Variants in SYNE2 observed in about 807,000 individuals in gnomAD.
The protein encoded by SYNE2 is spectrin repeat containing nuclear envelope protein 2.
A neutral mutation model predicts 856.3 loss-of-function variants in SYNE2; 431 were observed. That is an observed-to-expected ratio of 0.50 (90% confidence interval 0.47 to 0.55). The LOEUF is 0.55. Among genes scored for constraint, SYNE2 ranks in the 20% least tolerant of loss-of-function variants. The pLI is 0.00. For synonymous variants in SYNE2, 2,923 were observed against 2,872.3 expected (o/e 1.02, Z -0.56); for missense variants, 8,129 against 8,023.2 (o/e 1.01, Z -0.50).
intron 99 of SYNE2, among the ~76,000 whole-genome samples, chr14:64,198,581 T>A (rs1338840018): frequency 2.0e-5 from 3 of 152,186 alleles, no homozygotes; most frequent in South Asian, 4.1e-4. Context: ...ACCGGCTAAA[T>A]CCTGGCTGGA....
intron 7 of SYNE2, among the ~76,000 whole-genome samples, chr14:63,954,339 A>G (rs962095494): frequency 1.3e-5 from 2 of 152,182 alleles, no homozygotes; most frequent in Non-Finnish European, 2.9e-5. Flanking sequence ...CAGATTTGGT[A>G]ATGAAGGGCA....
At chr14:64,202,020 C>T (rs1270756538) in intron 99 of SYNE2, among the ~76,000 whole-genome samples, 2 of 152,226 alleles carry the variant, frequency 1.3e-5, no homozygotes, top group Admixed American at 1.3e-4. Flanking sequence ...ATCACGTCCC[C>T]TTGACAGCAT....
intron 113 of SYNE2, 22 bp downstream of exon 113, chr14:64,223,402 A>G (rs1476027353): frequency 6.2e-7 from 1 of 1,612,656 alleles, no homozygotes; most frequent in East Asian, 2.2e-5. Flanking sequence ...TGTAGCTTTT[A>G]ACTGTAAAGA....
intron 1 of SYNE2, among the ~76,000 whole-genome samples, chr14:63,875,396 C>T (rs757502489): frequency 1.7e-4 from 26 of 152,130 alleles, no homozygotes; most frequent in Non-Finnish European, 3.2e-4. Flanking sequence ...AGGTGATTCC[C>T]AAAACCCTTT....
chr14:64,162,007 C>T (rs553199980), intron 87 of SYNE2, 65 bp from the exon 88 acceptor site: 3 of 1,564,522 alleles, frequency 1.9e-6, no homozygotes, highest in Non-Finnish European at 2.6e-6. Flanking sequence ...AGAGTGTGTG[C>T]ATTGTACTTT....
At chr14:64,122,456 G>A in intron 70 of SYNE2, 29 bp downstream of exon 70, 2 of 1,614,042 alleles carry the variant, frequency 1.2e-6, no homozygotes, top group Non-Finnish European at 1.7e-6. Flanking sequence ...GGTGCAAATA[G>A]CCTGTTTATC....
chr14:64,155,072 G>A (rs1475788123), intron 85 of SYNE2, among the ~76,000 whole-genome samples: 1 of 152,096 alleles, frequency 6.6e-6, no homozygotes, highest in Non-Finnish European at 1.5e-5. Context: ...TTCCTCAAAT[G>A]GTTAAACATA....
chr14:63,770,928 T>A (rs1886876219), intron 1 of SYNE2, among the ~76,000 whole-genome samples: 1 of 152,104 alleles, frequency 6.6e-6, no homozygotes, highest in African/African-American at 2.4e-5. Context: ...TTGGTCTTCA[T>A]CTCCTGGCCT....
In SYNE2 at chr14:64,146,214, G is replaced by GGACTGTCAGGTGAGGAGGGGAACAT. The variant is rs2098185445; in HGVS notation, c.15639+15_15639+16insTGACTGTCAGGTGAGGAGGGGAACA. 2 of 1,608,488 alleles carry GGACTGTCAGGTGAGGAGGGGAACAT rather than the reference G, an allele frequency of 1.2e-6. No homozygotes were observed. The highest frequency in any genetic ancestry group is 2.2e-5 in the East Asian group (1 of 44,552). Reference sequence around the variant, plus strand: ...TGATCTCAGTGCAGAAGCTGCTCCTGGACTGTCAGGTGAGGAGGGGAACAG... The same window carrying GGACTGTCAGGTGAGGAGGGGAACAT: ...TGATCTCAGTGCAGAAGCTGCTCCTGGACTGTCAGGTGAGGAGGGGAACATGACTGTCAGGTGAGGAGGGGAACAG... On this transcript the variant is annotated frameshift_variant, in exon 84 of 116. Coordinates refer to ENST00000555002, the MANE Select transcript of SYNE2 (RefSeq NM_182914.3). LOFTEE classifies it high-confidence loss of function.
chr14:64,038,063 G>A (rs2097111782), intron 45 of SYNE2, among the ~76,000 whole-genome samples: 2 of 151,574 alleles, frequency 1.3e-5, no homozygotes, highest in South Asian at 4.2e-4. Flanking sequence ...TTGCCAGGCG[G>A]AGGGTCTCCT....
At chr14:63,847,581 C>G (rs942603976) in intron 1 of SYNE2, among the ~76,000 whole-genome samples, 10 of 149,560 alleles carry the variant, frequency 6.7e-5, no homozygotes, top group African/African-American at 4.9e-5. Flanking sequence ...AAAGTATGTT[C>G]TGTATTTTTT....
Position 64,170,396 on chromosome 14 carries a change from A to C in SYNE2, c.17169A>C (p.Leu5723=), listed in dbSNP as rs775814909. ...TCCTCACTGACACCAGCCACCTGCT[A>C]TCTGCAGTGAAGGGCCAGGAGCGCT... The part of the protein sequence containing the change: ...FRFLTDTSHL[L]SAVKGQERFS... The change falls in exon 94 of 116, where the codon CTA becomes CTC. Residue 5723 remains leucine, a synonymous_variant. Transcript: ENST00000555002. 6.2e-7 allele frequency: 1 copy of C among 1,614,208 alleles called. No individual in the cohort carries two copies. The highest frequency in any genetic ancestry group is 1.1e-5 in the South Asian group (1 of 91,084).
chr14:64,132,741 T>C (rs1454025644), intron 77 of SYNE2, among the ~76,000 whole-genome samples: 1 of 152,168 alleles, frequency 6.6e-6, no homozygotes, highest in Non-Finnish European at 1.5e-5. Context: ...GAAACAGTTA[T>C]TGGTTTAAAA....
At chr14:64,133,226 A>G (rs746149666) in intron 77 of SYNE2, among the ~76,000 whole-genome samples, 1 of 151,888 alleles carries the variant, frequency 6.6e-6, no homozygotes, top group Non-Finnish European at 1.5e-5. Context: ...AGAAAAAAGG[A>G]AGGAAATGTT....
chr14:64,043,563 G>A (rs1174487511), intron 45 of SYNE2, among the ~76,000 whole-genome samples: 1 of 152,134 alleles, frequency 6.6e-6, no homozygotes, highest in African/African-American at 2.4e-5. Flanking sequence ...TCTAGCGACC[G>A]AGTGCCCTGT....
chr14:64,027,829 C>G (rs373932462), intron 43 of SYNE2, 36 bp downstream of exon 43: 3 of 1,513,580 alleles, frequency 2.0e-6, no homozygotes, highest in African/African-American at 2.7e-5. Flanking sequence ...AATGATTGTT[C>G]TAATTATACA....
At chr14:63,829,544 C>T (rs190363271) in intron 1 of SYNE2, among the ~76,000 whole-genome samples, 25 of 152,130 alleles carry the variant, frequency 1.6e-4, no homozygotes, top group Admixed American at 4.6e-4. Context: ...ATGATTAAAA[C>T]GTATCTACAC....
chr14:64,194,955 T>C (rs1327481011), intron 99 of SYNE2, among the ~76,000 whole-genome samples: 2 of 152,164 alleles, frequency 1.3e-5, no homozygotes, highest in East Asian at 3.8e-4. Flanking sequence ...TCATCTACTT[T>C]TGTTTCCCAG....
intron 70 of SYNE2, 179 bp downstream of exon 70, chr14:64,122,606 T>C: frequency 5.2e-6 from 4 of 764,198 alleles, no homozygotes; most frequent in Non-Finnish European, 8.8e-6. Flanking sequence ...TGTGCTTCTG[T>C]AGCACCCAGG....
Sources: gnomAD v4.1 joint callset for allele counts (sites outside exome capture counted in the v4.1 genomes callset) on GRCh38, gnomAD v4.1.1 for gene constraint, MANE v1.5 for transcripts, NCBI Gene and HGNC (gene_info 2026-07-23, HGNC 2026-07-21) for gene names.